The following MYH10 variants were observed in gnomAD, a reference collection of about 807,000 sequenced individuals.
MYH10 encodes the protein myosin-10.
Under a neutral mutation model 257.8 loss-of-function variants are expected in MYH10, and 55 were observed. That is an observed-to-expected ratio of 0.21 (90% CI 0.17 to 0.27). The LOEUF is 0.27. Among genes scored for constraint, MYH10 ranks in the 10% least tolerant of loss-of-function variants. The pLI is 1.00. For missense variants in MYH10, 1,631 were observed against 2,500.6 expected (o/e 0.65, Z 7.42); for synonymous variants, 854 against 921.7 (o/e 0.93, Z 1.33).
intron 21 of MYH10, among the ~76,000 whole-genome samples, chr17:8,515,791 G>A (rs533391225): frequency 6.6e-5 from 10 of 151,994 alleles, no homozygotes; most frequent in African/African-American, 1.7e-4. Flanking sequence ...TGATCCCCCC[G>A]CCTCGGCCTC....
chr17:8,519,406 T>C (rs768469336), intron 19 of MYH10, among the ~76,000 whole-genome samples: 8 of 152,160 alleles, frequency 5.3e-5, no homozygotes, highest in Non-Finnish European at 7.3e-5. Flanking sequence ...GGGTGACATG[T>C]GACATGACGT....
At chr17:8,550,616 G>A (rs911403383) in intron 9 of MYH10, among the ~76,000 whole-genome samples, 2 of 152,116 alleles carry the variant, frequency 1.3e-5, no homozygotes, top group African/African-American at 2.4e-5. Flanking sequence ...CCCTCTGCCC[G>A]GCCACCACCC....
chr17:8,523,613 C>T (rs998098117), intron 17 of MYH10, among the ~76,000 whole-genome samples: 5 of 152,094 alleles, frequency 3.3e-5, no homozygotes, highest in East Asian at 1.9e-4. Flanking sequence ...TTATGACACT[C>T]GCACTGGCTG....
intron 21 of MYH10, among the ~76,000 whole-genome samples, chr17:8,514,095 C>T (rs2081384942): frequency 6.6e-6 from 1 of 152,178 alleles, no homozygotes; most frequent in Non-Finnish European, 1.5e-5. Context: ...GCTCAGCCCA[C>T]CTCAGGCCCC....
In MYH10 at chr17:8,545,418, G is replaced by A. The variant is rs758761224; in HGVS notation, c.1431+30C>T. On this transcript the variant is annotated intron_variant, in intron 13 of 42. Coordinates refer to ENST00000360416, the MANE Select transcript of MYH10 (RefSeq NM_001256012.3). The surrounding 1 kb of genome is among the most constrained non-coding windows in gnomAD (Gnocchi z 4.7). ...TGTTAAAAGAACAAACAAAAAGAAG[G>A]ACGAGCTAGAGGAAGAGGGGGAAGA... 24 of 1,609,606 alleles carry A rather than the reference G, an allele frequency of 1.5e-5. No individual in the cohort carries two copies. Among genetic ancestry groups the A allele is most frequent in the Non-Finnish European group, 2.0e-5 (24 of 1,178,242 alleles).
At chr17:8,476,145 C>T (rs1284896245) in intron 42 of MYH10, among the ~76,000 whole-genome samples, 197 bp from the exon 43 acceptor site, 5 of 152,200 alleles carry the variant, frequency 3.3e-5, no homozygotes, top group South Asian at 2.1e-4. Flanking sequence ...GCAGAGTACG[C>T]GAAGCAGGGT....
rs1912901519 is a variant in MYH10, at chr17:8,477,651, G to A, written c.5707-603C>T. ...TTGCTAGGCCCCAAGGGTGGGGGTGGGAAGGGAAGGCCAGGTTGCCTGACT... is the reference window on the plus strand; with the variant it reads ...TTGCTAGGCCCCAAGGGTGGGGGTGAGAAGGGAAGGCCAGGTTGCCTGACT... On this transcript the variant is annotated intron_variant, in intron 41 of 42. Transcript: ENST00000360416. This position sits in a 1 kb window ranked among gnomAD's most constrained non-coding sequence, Gnocchi z 4.2. 6.6e-6 allele frequency among the ~76,000 whole-genome samples: 1 copy of A among 152,136 alleles called. No homozygotes were observed. Among genetic ancestry groups the A allele is most frequent in the African/African-American group, 2.4e-5 (1 of 41,428 alleles).
In MYH10 at chr17:8,478,327, T is replaced by A; in HGVS notation, c.5706+11A>T. 6.2e-7 allele frequency: 1 copy of A among 1,612,398 alleles called. No individual in the cohort carries two copies. Among genetic ancestry groups the A allele is most frequent in the Non-Finnish European group, 8.5e-7 (1 of 1,178,570 alleles). On this transcript the variant is annotated intron_variant, in intron 41 of 42. Coordinates refer to ENST00000360416, the MANE Select transcript of MYH10 (RefSeq NM_001256012.3). Reference sequence around the variant, plus strand: ...CTCACGCGCTTCCCAGGGAGGCACTTCCTCGCGTACCTGCTCTTTATACTG... The same window carrying A: ...CTCACGCGCTTCCCAGGGAGGCACTACCTCGCGTACCTGCTCTTTATACTG...
At chr17:8,496,004 C>T (rs570713791) in intron 30 of MYH10, among the ~76,000 whole-genome samples, 20 of 152,256 alleles carry the variant, frequency 1.3e-4, no homozygotes, top group South Asian at 4.1e-4. Context: ...CCACCACACC[C>T]GGCTGGAAGT....
chr17:8,496,089 TTAA>T (rs1364659792), intron 30 of MYH10, among the ~76,000 whole-genome samples: 7 of 152,372 alleles, frequency 4.6e-5, no homozygotes, highest in African/African-American at 9.6e-5. Context: ...TCAGATTTAA[TTAA>T]TAATATTTTT....
chr17:8,590,637 C>T (rs939619356), intron 3 of MYH10, among the ~76,000 whole-genome samples: 1 of 152,094 alleles, frequency 6.6e-6, no homozygotes, highest in Non-Finnish European at 1.5e-5. Context: ...TAGCTCATAA[C>T]CTGGTGTTAT....
chr17:8,542,167 C>T lies in MYH10; in HGVS notation c.1545G>A (p.Glu515=), dbSNP rs1002842708. The change falls in exon 14 of 43, where the codon GAG becomes GAA. Residue 515 remains glutamate (E), a synonymous_variant. Transcript: ENST00000360416. The stretch of plus-strand genomic sequence containing the variant: ...CCAGCCCGAAATCGATGAAGTTCCA[C>T]TCGATGCCTTCGCGCTGGTATTCCT... ...EQEEYQREGI[E]WNFIDFGLDL... is the part of the protein sequence containing the mutation. 1.9e-6 allele frequency: 3 copies of T among 1,614,044 alleles called. No individual in the cohort carries two copies. Among genetic ancestry groups the T allele is most frequent in the Non-Finnish European group, 2.5e-6 (3 of 1,180,034 alleles).
At chr17:8,489,745 A>ACACACACCCC in intron 35 of MYH10, among the ~76,000 whole-genome samples, 1 of 150,798 alleles carries the variant, frequency 6.6e-6, no homozygotes, top group South Asian at 2.1e-4. Flanking sequence ...ACACACACAC[A>ACACACACCCC]CCCCAAATCC....
intron 3 of MYH10, among the ~76,000 whole-genome samples, chr17:8,596,641 A>T (rs1181356236): frequency 1.4e-5 from 1 of 74,012 alleles, no homozygotes; most frequent in African/African-American, 5.1e-5. Flanking sequence ...AGGGAGGGGG[A>T]GTAGGAGGGA....
At chr17:8,521,593 T>A (rs1257785646) in intron 17 of MYH10, 7 of 326,958 alleles carry the variant, frequency 2.1e-5, no homozygotes, top group Non-Finnish European at 2.8e-5. Flanking sequence ...TTTACAATTA[T>A]TTGGAAAATG....
At chr17:8,561,570 C>G (rs896655807) in intron 7 of MYH10, 5 of 895,688 alleles carry the variant, frequency 5.6e-6, no homozygotes, top group Middle Eastern at 3.2e-4. Flanking sequence ...CACCAAAGCC[C>G]ATGTAAGGAG....
chr17:8,551,042 C>T (rs181419557), intron 9 of MYH10, among the ~76,000 whole-genome samples: 1 of 151,036 alleles, frequency 6.6e-6, no homozygotes, highest in Non-Finnish European at 1.5e-5. Flanking sequence ...AAACCGGAGA[C>T]CTTTGTTCAC....
At chr17:8,494,259 C>T (rs904415) in intron 31 of MYH10, among the ~76,000 whole-genome samples, 76,239 of 151,942 alleles carry the variant, frequency 0.5, 20,200 homozygotes, top group Middle Eastern at 0.62. Context: ...CTCAGCCCTT[C>T]GAACTAGGAT....
Position 8,492,444 on chromosome 17 carries a change from C to T in MYH10, c.4524G>A (p.Glu1508=), listed in dbSNP as rs1486822120. ...GGGCTTTGGTTTCTTTCTCTCTGGC[C>T]TCGGCTTCGGCCCGGTCCCGCTCTT... is the stretch of plus-strand genomic sequence containing the variant. The part of the protein sequence containing the change: ...YAEERDRAEA[E]AREKETKALS... Residue 1508 remains glutamate, a synonymous_variant, in exon 34 of 43, where the codon GAG becomes GAA. Transcript: ENST00000360416. The T allele has an allele frequency of 2.0e-5, 33 of 1,612,750 alleles. No individual in the cohort carries two copies. Among genetic ancestry groups the T allele is most frequent in the Non-Finnish European group, 2.7e-5 (32 of 1,180,038 alleles).
Sources: gnomAD v4.1 joint callset for allele counts (sites outside exome capture counted in the v4.1 genomes callset) on GRCh38, gnomAD v4.1.1 for gene constraint, Gnocchi (gnomAD v3.1) non-coding constraint, MANE v1.5 for transcripts, NCBI Gene and HGNC (gene_info 2026-07-23, HGNC 2026-07-21) for gene names.